FRA10AC1: variants seen among roughly 807,000 people sequenced by gnomAD.
FRA10AC1 encodes the protein protein FRA10AC1.
A neutral mutation model predicts 56.5 loss-of-function variants in FRA10AC1; 43 were observed. That is an observed-to-expected ratio of 0.76 (90% CI 0.60 to 0.98). FRA10AC1 has a LOEUF of 0.98. Among genes scored for constraint, FRA10AC1 ranks in the 50% least tolerant of loss-of-function variants. The pLI, the probability that FRA10AC1 is intolerant of heterozygous loss-of-function variation, is 0.00. For synonymous variants in FRA10AC1, 112 were observed against 110.5 expected, an observed-to-expected ratio of 1.01 and a Z score of -0.09; for missense variants, 346 against 351.8, an observed-to-expected ratio of 0.98 and a Z score of 0.13.
chr10:93,694,840 T>A (rs1291304940), intron 5 of FRA10AC1, 21 bp downstream of exon 5: 5 of 1,450,516 alleles, frequency 3.4e-6, no homozygotes, highest in Non-Finnish European at 4.8e-6. Flanking sequence ...TTCCCTTCTA[T>A]GTAAACTTCC....
At chr10:93,686,291 T>C (rs762171577) in intron 8 of FRA10AC1, among the ~76,000 whole-genome samples, 1 of 151,878 alleles carries the variant, frequency 6.6e-6, no homozygotes, top group African/African-American at 2.4e-5. Flanking sequence ...AGGTAAGGCT[T>C]TGTTGTTAAA....
chr10:93,679,796 A>G (rs2058902076), intron 11 of FRA10AC1, among the ~76,000 whole-genome samples: 1 of 152,306 alleles, frequency 6.6e-6, no homozygotes, highest in Non-Finnish European at 1.5e-5. Context: ...TAAGGAGAAT[A>G]TAACAGTAGC....
At chr10:93,698,466 T>C (rs2059272584) in intron 2 of FRA10AC1, 70 bp from the exon 3 acceptor site, 2 of 842,740 alleles carry the variant, frequency 2.4e-6, no homozygotes, top group Non-Finnish European at 3.8e-6. Flanking sequence ...TATATTTTCA[T>C]AACTGGAATA....
At chr10:93,698,243 A>T in intron 3 of FRA10AC1, 58 bp downstream of exon 3, 1 of 1,495,364 alleles carries the variant, frequency 6.7e-7, no homozygotes. Context: ...ACATAATCAA[A>T]TCCCCTAATC....
intron 9 of FRA10AC1, among the ~76,000 whole-genome samples, chr10:93,684,314 C>A (rs1383466933): frequency 6.6e-6 from 1 of 152,012 alleles, no homozygotes; most frequent in Admixed American, 6.6e-5. Flanking sequence ...TTGAAAATAA[C>A]ACTATTTTAG....
chr10:93,693,484 A>G (rs181315462), intron 5 of FRA10AC1, among the ~76,000 whole-genome samples: 1,011 of 16,704 alleles, frequency 0.061, 37 homozygotes, highest in African/African-American at 0.09. Context: ...GTGTGTGTGT[A>G]TATATATATA....
intron 7 of FRA10AC1, among the ~76,000 whole-genome samples, chr10:93,690,629 A>G (rs1198355736): frequency 6.6e-6 from 1 of 152,196 alleles, no homozygotes; most frequent in Non-Finnish European, 1.5e-5. Context: ...AAAAAGAAAA[A>G]AAACAACAAC....
chr10:93,672,740 C>G (rs2058782345), intron 12 of FRA10AC1: 1 of 152,176 alleles, frequency 6.6e-6, no homozygotes, highest in Non-Finnish European at 1.5e-5. Flanking sequence ...AAAAAAGTGG[C>G]CAGATATCCC....
In FRA10AC1 at chr10:93,702,515, AACC is replaced by A. The variant is rs561510812; in HGVS notation, c.-144_-142del. 31 of 182,358 alleles carry A rather than the reference AACC, an allele frequency of 1.7e-4. 1 individual carries two copies. Among genetic ancestry groups the A allele is most frequent in the Middle Eastern group, 2.3e-3 (1 of 442 alleles). The allele number at this position is 182,358 out of a possible 1,614,324, so 11.3% of individuals were successfully genotyped here. A position where few individuals can be genotyped will look rare whatever the true frequency, so the allele number is the denominator to read the frequency against. On this transcript the variant is annotated 5_prime_UTR_variant, in exon 1 of 14. Coordinates refer to ENST00000359204, the MANE Select transcript of FRA10AC1 (RefSeq NM_145246.5). ...GCGCCCTGCCGCACAGCCTCGCCAC[AACC>A]ACCACCGCCGCCGCCGCCGCCGCCG...
At position 93,685,377 on chromosome 10, in the gene FRA10AC1, A is replaced by G; in HGVS notation, c.512-18T>C. On this transcript the variant is annotated intron_variant, in intron 8 of 13. Transcript: ENST00000359204. ...AAATTGACCTGCAGAAAGGAAAGGA[A>G]TATTAGCTATGGTAGTTGGTGATAA... The G allele has an allele frequency of 9.3e-7, 1 of 1,069,546 alleles. No homozygotes were observed. Among genetic ancestry groups the G allele is most frequent in the Non-Finnish European group, 1.4e-6 (1 of 693,296 alleles). 66.3% of individuals were successfully genotyped at this position (1,069,546 alleles called of 1,614,324 possible).
intron 8 of FRA10AC1, among the ~76,000 whole-genome samples, chr10:93,686,656 C>CAAT (rs3085159): frequency 0.66 from 100,225 of 151,200 alleles, 33,934 homozygotes; most frequent in Middle Eastern, 0.78. Flanking sequence ...ATATGAGCCA[C>CAAT]GATAGCATAA....
chr10:93,676,495 A>G (rs912522128), intron 12 of FRA10AC1, among the ~76,000 whole-genome samples, 158 bp downstream of exon 12: 11 of 152,302 alleles, frequency 7.2e-5, no homozygotes, highest in Non-Finnish European at 1.2e-4. Context: ...AATAAATCCT[A>G]TACACTTTTG....
Position 93,681,599 on chromosome 10 carries a change from C to T in FRA10AC1, c.669-1G>A. The T allele has an allele frequency of 6.6e-7, 1 of 1,509,946 alleles. No individual in the cohort carries two copies. Among genetic ancestry groups the T allele is most frequent in the Non-Finnish European group, 8.9e-7 (1 of 1,125,666 alleles). 93.5% of individuals were successfully genotyped at this position (1,509,946 alleles called of 1,614,324 possible). ...TTTTTTTGACTTGATTTCTTTTCTC[C>T]TTTGTGTTAAACAATATAAAATTAA... On this transcript the variant is annotated splice_acceptor_variant, in intron 10 of 13. Transcript: ENST00000359204. LOFTEE classifies it high-confidence loss of function.
intron 8 of FRA10AC1, chr10:93,685,602 G>A (rs747899347): frequency 1.1e-5 from 3 of 277,234 alleles, no homozygotes; most frequent in South Asian, 1.1e-4. Flanking sequence ...ACATTTTAGC[G>A]ACTCCCTATT....
chr10:93,669,894 A>G lies in FRA10AC1; in HGVS notation c.906-26T>C, dbSNP rs143207481. ...CTATTTAAAAAAAAAAGCATACTTAAGATCAATAGAGTAAAAAAATTACTA... is the reference window on the plus strand; with the variant it reads ...CTATTTAAAAAAAAAAGCATACTTAGGATCAATAGAGTAAAAAAATTACTA... On this transcript the variant is annotated intron_variant, in intron 13 of 13. Transcript: ENST00000359204. The G allele has an allele frequency of 7.3e-4, 951 of 1,296,032 alleles. 8 individuals carry two copies. Among genetic ancestry groups the G allele is most frequent in the African/African-American group, 4.0e-3 (268 of 66,906 alleles). The allele number at this position is 1,296,032 out of a possible 1,614,324, so 80.3% of individuals were successfully genotyped here.
intron 5 of FRA10AC1, 150 bp downstream of exon 5, chr10:93,694,711 C>CT (rs2059199124): frequency 2.2e-6 from 1 of 453,154 alleles, no homozygotes; most frequent in Non-Finnish European, 3.7e-6. Flanking sequence ...GAGACTCCAT[C>CT]TTAAAAAAAA....
In FRA10AC1 at chr10:93,702,477, GCACA is replaced by G; in HGVS notation, c.-107_-104del. ...CCCACGGCCTGAGAGAGCCGCTGCA[GCACA>G]GGTCCCGTGCGCCCTGCCGCACAGC... On this transcript the variant is annotated 5_prime_UTR_variant, in exon 1 of 14. Coordinates refer to ENST00000359204, the MANE Select transcript of FRA10AC1 (RefSeq NM_145246.5). 1 of 203,466 alleles carries G rather than the reference GCACA, an allele frequency of 4.9e-6. No individual in the cohort carries two copies. The highest frequency in any genetic ancestry group is 7.1e-5 in the South Asian group (1 of 14,072). The allele number at this position is 203,466 out of a possible 1,614,324, so 12.6% of individuals were successfully genotyped here. A position where few individuals can be genotyped will look rare whatever the true frequency, so the allele number is the denominator to read the frequency against.
At chr10:93,682,616 C>A (rs1024122517) in intron 10 of FRA10AC1, among the ~76,000 whole-genome samples, 1 of 152,022 alleles carries the variant, frequency 6.6e-6, no homozygotes, top group African/African-American at 2.4e-5. Flanking sequence ...GCCTGGGCAA[C>A]ATAGGGAAAC....
At position 93,692,035 on chromosome 10, in the gene FRA10AC1, C is replaced by G; in HGVS notation, c.439G>C (p.Asp147His). 1.3e-6 allele frequency: 2 copies of G among 1,574,826 alleles called. No homozygotes were observed. The highest frequency in any genetic ancestry group is 1.7e-6 in the Non-Finnish European group (2 of 1,163,590). Residue 147 changes from aspartate to histidine, a missense_variant, in exon 7 of 14, where the codon GAT (aspartate) becomes CAT (histidine). Transcript: ENST00000359204. ...TTATTTTCTTTATATTTACTGAGATCTGCTATGCAGTATTCCTTAAATAAT... is the reference window on the plus strand; with the variant it reads ...TTATTTTCTTTATATTTACTGAGATGTGCTATGCAGTATTCCTTAAATAAT... ...DKLFKEYCIADLSKYKENKFG... is the reference protein window; with the variant it reads ...DKLFKEYCIAHLSKYKENKFG...
Sources: allele counts gnomAD v4.1 joint callset (sites outside exome capture counted in the v4.1 genomes callset), GRCh38; gene constraint gnomAD v4.1.1; transcripts MANE v1.5; gene names NCBI Gene and HGNC (gene_info 2026-07-23, HGNC 2026-07-21).